Variants in FAM184B observed in about 807,000 individuals in gnomAD.
FAM184B encodes family with sequence similarity 184 member B.
In FAM184B, 111 loss-of-function variants were observed where a neutral mutation model predicts 135.9. The ratio of observed to expected loss-of-function variants is 0.82; its 90% CI spans 0.70 to 0.96. The LOEUF (loss-of-function observed/expected upper bound fraction) is 0.96. Among genes scored for constraint, FAM184B ranks in the 40% least tolerant of loss-of-function variants. The pLI, the probability that FAM184B is intolerant of heterozygous loss-of-function variation, is 0.00. For synonymous variants in FAM184B, 552 were observed against 524.8 expected (o/e 1.05, Z -0.71); for missense variants, 1,375 against 1,323.9 (o/e 1.04, Z -0.60).
intron 1 of FAM184B, among the ~76,000 whole-genome samples, chr4:17,731,899 A>G (rs893709508): frequency 2.6e-5 from 4 of 152,118 alleles, no homozygotes; most frequent in Non-Finnish European, 5.9e-5. Flanking sequence ...TCAGCACCAC[A>G]CCACACCTAT....
At chr4:17,770,952 A>G (rs1443975570) in intron 1 of FAM184B, among the ~76,000 whole-genome samples, 1 of 152,252 alleles carries the variant, frequency 6.6e-6, no homozygotes, top group Non-Finnish European at 1.5e-5. Context: ...TCATTACTCC[A>G]TAAAGAAACC....
intron 11 of FAM184B, among the ~76,000 whole-genome samples, chr4:17,649,120 G>A (rs964438713): frequency 7.2e-5 from 11 of 152,126 alleles, no homozygotes; most frequent in African/African-American, 2.7e-4. Flanking sequence ...TTAGTACAGA[G>A]CAAGTGCTCA....
Position 17,652,930 on chromosome 4 carries a change from G to A in FAM184B, c.2091C>T (p.His697=), listed in dbSNP as rs753436906. 7.0e-5 allele frequency: 108 copies of A among 1,551,738 alleles called. No homozygotes were observed. Among genetic ancestry groups the A allele is most frequent in the East Asian group, 2.2e-4 (9 of 40,918 alleles). Reference sequence around the variant, plus strand: ...CCTGGAGCTCCAGTCGGTGTGTCTGGTGTTGGATCTGGAGGCTGTGGCTGG... The same window carrying A: ...CCTGGAGCTCCAGTCGGTGTGTCTGATGTTGGATCTGGAGGCTGTGGCTGG... ...KESSHSLQIQ[H]QTHRLELQAL... The change falls in exon 11 of 18, where the codon CAC becomes CAT. Residue 697 remains histidine (H), a synonymous_variant. Coordinates refer to ENST00000265018, the MANE Select transcript of FAM184B (RefSeq NM_015688.2).
intron 7 of FAM184B, among the ~76,000 whole-genome samples, chr4:17,681,055 A>C (rs144682119): frequency 6.6e-6 from 1 of 152,242 alleles, no homozygotes; most frequent in Non-Finnish European, 1.5e-5. Context: ...AATCTTTAAC[A>C]GTTCTGAAAA....
intron 1 of FAM184B, among the ~76,000 whole-genome samples, chr4:17,767,304 C>T (rs1217706544): frequency 6.6e-6 from 1 of 152,222 alleles, no homozygotes; most frequent in African/African-American, 2.4e-5. Context: ...AGAGTGGGCT[C>T]CGAGGCTGAC....
At chr4:17,724,999 C>T (rs753290673) in intron 1 of FAM184B, among the ~76,000 whole-genome samples, 14 of 152,158 alleles carry the variant, frequency 9.2e-5, no homozygotes, top group Non-Finnish European at 1.9e-4. Context: ...GGCTCTCAAT[C>T]TCTATCTGCC....
At chr4:17,692,150 G>C (rs1018143332) in intron 6 of FAM184B, among the ~76,000 whole-genome samples, 7 of 152,134 alleles carry the variant, frequency 4.6e-5, no homozygotes, top group African/African-American at 1.4e-4. Context: ...ATGAAGACTG[G>C]CAGTGTATCT....
At chr4:17,655,419 C>T (rs1715759250) in intron 10 of FAM184B, among the ~76,000 whole-genome samples, 1 of 152,178 alleles carries the variant, frequency 6.6e-6, no homozygotes, top group Admixed American at 6.5e-5. Flanking sequence ...GAGGATCACA[C>T]AGGGTGCAGC....
chr4:17,686,152 G>A (rs1214761300), intron 7 of FAM184B, among the ~76,000 whole-genome samples: 1 of 152,222 alleles, frequency 6.6e-6, no homozygotes, highest in Non-Finnish European at 1.5e-5. Context: ...CAGGGCGCTG[G>A]TGAAAGGTGC....
At chr4:17,763,260 C>T (rs1028235757) in intron 1 of FAM184B, among the ~76,000 whole-genome samples, 2 of 152,036 alleles carry the variant, frequency 1.3e-5, no homozygotes, top group Admixed American at 6.6e-5. Flanking sequence ...TTGGGTCTTC[C>T]CTGGGACAAC....
chr4:17,692,218 G>A (rs1438716965), intron 6 of FAM184B, among the ~76,000 whole-genome samples: 1 of 151,954 alleles, frequency 6.6e-6, no homozygotes, highest in African/African-American at 2.4e-5. Context: ...AGGGAGTGAG[G>A]GAAAGGCAGA....
intron 1 of FAM184B, among the ~76,000 whole-genome samples, chr4:17,751,939 G>A (rs1360557578): frequency 6.8e-6 from 1 of 146,514 alleles, no homozygotes; most frequent in African/African-American, 2.5e-5. Context: ...GGAACCCACG[G>A]AATAAGAAAA....
At chr4:17,635,226 G>T in intron 15 of FAM184B, 113 bp from the exon 16 acceptor site, 1 of 790,820 alleles carries the variant, frequency 1.3e-6, no homozygotes, top group African/African-American at 1.7e-5. Context: ...AGGGGAGGAA[G>T]GGGAAGTCAG....
chr4:17,703,788 G>C lies in FAM184B; in HGVS notation c.1377+1212C>G, dbSNP rs553327480. ...TCTACTAAAAATACAAAAATTAGCTGGGTGTGGTGGCACATGCCTGTGGTC... is the reference window on the plus strand; with the variant it reads ...TCTACTAAAAATACAAAAATTAGCTCGGTGTGGTGGCACATGCCTGTGGTC... On this transcript the variant is annotated intron_variant, in intron 5 of 17. Transcript: ENST00000265018. Among the ~76,000 whole-genome samples the C allele has an allele frequency of 6.6e-5, 10 of 152,034 alleles. No individual in the cohort carries two copies. In the East Asian group the frequency reaches 1.9e-3, roughly 30 times the overall value.
chr4:17,642,313 T>G (rs568766905), intron 12 of FAM184B, 85 bp from the exon 13 acceptor site: 1 of 1,381,552 alleles, frequency 7.2e-7, no homozygotes, highest in African/African-American at 1.5e-5. Flanking sequence ...TGCGGCGAGA[T>G]GGAGACCCAC....
intron 7 of FAM184B, among the ~76,000 whole-genome samples, chr4:17,685,995 T>TATTCAG (rs1342630725): frequency 1.3e-5 from 2 of 152,204 alleles, no homozygotes; most frequent in Non-Finnish European, 2.9e-5. Flanking sequence ...TGCATTTTTT[T>TATTCAG]ATTCAGTCTC....
intron 11 of FAM184B, among the ~76,000 whole-genome samples, chr4:17,651,127 A>G (rs1270176474): frequency 3.2e-4 from 49 of 152,202 alleles, no homozygotes; most frequent in Admixed American, 3.1e-3. Context: ...TGAAATGGTG[A>G]GAGGTTATTT....
In FAM184B at chr4:17,640,433, G is replaced by A. The variant is rs552500434; in HGVS notation, c.2520-1037C>T. On this transcript the variant is annotated intron_variant, in intron 13 of 17. Transcript: ENST00000265018. Reference sequence around the variant, plus strand: ...TGGGAGGTGGAGGTTGCAGTGAGCCGAGATGGCACCACTGCACTCCAGCCT... The same window carrying A: ...TGGGAGGTGGAGGTTGCAGTGAGCCAAGATGGCACCACTGCACTCCAGCCT... Among the ~76,000 whole-genome samples the A allele has an allele frequency of 6.7e-5, 10 of 149,648 alleles. No individual in the cohort carries two copies. The East Asian group carries it at 1.2e-3, about 18-fold the overall frequency.
intron 7 of FAM184B, among the ~76,000 whole-genome samples, chr4:17,667,506 C>T (rs1420314861): frequency 6.6e-6 from 1 of 152,198 alleles, no homozygotes; most frequent in Non-Finnish European, 1.5e-5. Context: ...AGAGAATCAT[C>T]ATGGAGATGG....
Sources: gnomAD v4.1 joint callset for allele counts (sites outside exome capture counted in the v4.1 genomes callset) on GRCh38, gnomAD v4.1.1 for gene constraint, MANE v1.5 for transcripts, NCBI Gene and HGNC (gene_info 2026-07-23, HGNC 2026-07-21) for gene names.